Variants in VSTM2B observed in about 807,000 individuals in gnomAD.
VSTM2B encodes V-set and transmembrane domain containing 2B.
In VSTM2B, 24 loss-of-function variants were observed where a neutral mutation model predicts 24.0. That is an observed-to-expected ratio of 1.00 (90% confidence interval 0.72 to 1.40). The LOEUF is 1.40. Among genes scored for constraint, VSTM2B ranks in the 40% most tolerant of loss-of-function variants. VSTM2B has a pLI of 0.00. For synonymous variants in VSTM2B, 226 were observed against 194.4 expected (o/e 1.16, Z -1.35); for missense variants, 399 against 416.4 (o/e 0.96, Z 0.36).
chr19:29,556,370 TGATGGAACATACCTCAAAATAATGAAA>T (rs1970409544), intron 4 of VSTM2B, among the ~76,000 whole-genome samples: 1 of 152,220 alleles, frequency 6.6e-6, no homozygotes, highest in African/African-American at 2.4e-5. Context: ...AACTAGGTAT[TGATGGAACATACCTCAAAATAATGAAA>T]GCCGTTTATG....
rs150259236 is a variant in VSTM2B at position 29,553,868 on chromosome 19, TA to T, written c.770-9977del. On this transcript the variant is annotated intron_variant, in intron 4 of 4. Coordinates refer to ENST00000335523, the MANE Select transcript of VSTM2B (RefSeq NM_001146339.2). ...CTGAAATAAGACCAGCAGACAAGAT[TA>T]GAGAAAAAAGAATGAAAAGGAATGA... is the stretch of plus-strand genomic sequence containing the variant. 2.4e-3 allele frequency among the ~76,000 whole-genome samples: 366 copies of T among 151,968 alleles called. 12 individuals carry two copies. The East Asian group carries it at 0.059, about 25-fold the overall frequency.
At chr19:29,543,576 T>A (rs1296109253) in intron 4 of VSTM2B, among the ~76,000 whole-genome samples, 3 of 152,238 alleles carry the variant, frequency 2.0e-5, no homozygotes, top group Non-Finnish European at 4.4e-5. Context: ...TGCCCTTGCA[T>A]GGCCAGGCCC....
chr19:29,527,740 C>T (rs1484643356), intron 2 of VSTM2B, among the ~76,000 whole-genome samples: 1 of 152,142 alleles, frequency 6.6e-6, no homozygotes, highest in Non-Finnish European at 1.5e-5. Flanking sequence ...TCCCATCAGG[C>T]TCTCCCCGCC....
At position 29,530,217 on chromosome 19, in the gene VSTM2B, G is replaced by C. The variant is rs756416884; in HGVS notation, c.696G>C (p.Ala232=). 1,762 of 1,503,060 alleles carry C rather than the reference G, an allele frequency of 1.2e-3. 1 individual carries two copies. The highest frequency in any genetic ancestry group is 1.9e-3 in the Admixed American group (93 of 47,696). 93.1% of individuals were successfully genotyped at this position (1,503,060 alleles called of 1,614,324 possible). A position where few individuals can be genotyped will look rare whatever the true frequency, so the allele number is the denominator to read the frequency against. The change falls in exon 4 of 5, where the codon GCG becomes GCC. Residue 232 remains alanine, a synonymous_variant. Transcript: ENST00000335523. ...SAAHTPTTTV[A]AAAAASSASP... is the part of the protein sequence containing the mutation. ...CCCACACGCCCACCACCACAGTCGC[G>C]GCAGCTGCTGCTGCCTCGTCAGCGT... is the stretch of plus-strand genomic sequence containing the variant.
At chr19:29,528,609 C>T in intron 3 of VSTM2B, 147 bp downstream of exon 3, 1 of 1,028,550 alleles carries the variant, frequency 9.7e-7, no homozygotes, top group Non-Finnish European at 1.4e-6. Flanking sequence ...GGTGGCTGCT[C>T]GGCGTGTCCG....
intron 4 of VSTM2B, among the ~76,000 whole-genome samples, chr19:29,561,623 C>G (rs966881344): frequency 3.3e-5 from 5 of 152,136 alleles, no homozygotes; most frequent in African/African-American, 4.8e-5. Context: ...GCAACTCCAT[C>G]TCGATTAATT....
At position 29,526,932 on chromosome 19, in the gene VSTM2B, A is replaced by G. The variant is rs2145453212; in HGVS notation, c.82+267A>G. On this transcript the variant is annotated intron_variant, in intron 1 of 4. Transcript: ENST00000335523. This position sits in a 1 kb window ranked among gnomAD's most constrained non-coding sequence, Gnocchi z 4.1. The stretch of plus-strand genomic sequence containing the variant: ...GAGCGGGAGTAGGCGCGCCCCAGCC[A>G]GGCTCTGGCGGTGCGGCCAGGGGCG... 1.1e-5 allele frequency: 4 copies of G among 378,932 alleles called. No homozygotes were observed. The highest frequency in any genetic ancestry group is 1.9e-5 in the Non-Finnish European group (4 of 214,580). 23.5% of individuals were successfully genotyped at this position (378,932 alleles called of 1,614,324 possible). A position where few individuals can be genotyped will look rare whatever the true frequency, so the allele number is the denominator to read the frequency against.
intron 4 of VSTM2B, among the ~76,000 whole-genome samples, chr19:29,546,798 G>A (rs1219602890): frequency 6.6e-6 from 1 of 152,226 alleles, no homozygotes; most frequent in East Asian, 1.9e-4. Context: ...AGGGCCATTG[G>A]GGGCAAGATG....
chr19:29,546,278 A>T (rs969386410), intron 4 of VSTM2B, among the ~76,000 whole-genome samples: 1 of 152,130 alleles, frequency 6.6e-6, no homozygotes, highest in African/African-American at 2.4e-5. Context: ...AGCTCAAGAC[A>T]CTCAAAGGAG....
chr19:29,552,749 G>T (rs1332410590), intron 4 of VSTM2B, among the ~76,000 whole-genome samples: 2 of 152,226 alleles, frequency 1.3e-5, no homozygotes. Flanking sequence ...CATCACTGCA[G>T]TTCCAGTCTG....
intron 4 of VSTM2B, among the ~76,000 whole-genome samples, chr19:29,555,269 G>A (rs1407626747): frequency 3.9e-5 from 6 of 152,010 alleles, no homozygotes; most frequent in Admixed American, 6.6e-5. Context: ...AAAACCACAC[G>A]ACCATATGAA....
chr19:29,554,774 T>C (rs532160412), intron 4 of VSTM2B, among the ~76,000 whole-genome samples: 15 of 152,154 alleles, frequency 9.9e-5, no homozygotes, highest in Non-Finnish European at 1.3e-4. Flanking sequence ...AATTCTAGTT[T>C]CTGACAAAAC....
intron 4 of VSTM2B, among the ~76,000 whole-genome samples, chr19:29,538,493 G>A (rs559282340): frequency 3.9e-4 from 59 of 152,264 alleles, no homozygotes; most frequent in Non-Finnish European, 7.4e-4. Flanking sequence ...TCATGAGACC[G>A]CCCTCCCTCC....
rs570985344 is a variant in VSTM2B, at chr19:29,544,269, G to A, written c.769+13979G>A. Among the ~76,000 whole-genome samples, 17 of 151,992 alleles carry A rather than the reference G, an allele frequency of 1.1e-4. No homozygotes were observed. The South Asian group carries it at 3.5e-3, about 32-fold the overall frequency. On this transcript the variant is annotated intron_variant, in intron 4 of 4. Coordinates refer to ENST00000335523, the MANE Select transcript of VSTM2B (RefSeq NM_001146339.2). ...CGGCCGGGCGCGGTGGCTCACGCCT[G>A]TAATCCCAGCATTTTGGGAGGCCGA...
intron 4 of VSTM2B, among the ~76,000 whole-genome samples, chr19:29,531,745 C>T (rs2145468041): frequency 6.6e-6 from 1 of 152,368 alleles, no homozygotes; most frequent in East Asian, 1.9e-4. Flanking sequence ...ACTTTCCACC[C>T]TCTGCACTAA....
At chr19:29,533,324 C>A (rs931162188) in intron 4 of VSTM2B, among the ~76,000 whole-genome samples, 1 of 152,184 alleles carries the variant, frequency 6.6e-6, no homozygotes, top group African/African-American at 2.4e-5. Context: ...TGGATCCCAG[C>A]GGGGCTGACA....
Position 29,548,987 on chromosome 19 carries a change from A to C in VSTM2B, c.770-14859A>C, listed in dbSNP as rs371482920. Among the ~76,000 whole-genome samples, 16 of 152,314 alleles carry C rather than the reference A, an allele frequency of 1.1e-4. No homozygotes were observed. The South Asian group carries it at 3.3e-3, about 32-fold the overall frequency. ...TGGCTAGCAGGGAGGGATGAGGGGA[A>C]GGATTTCTGCTGGGAAGAGCAGCCG... On this transcript the variant is annotated intron_variant, in intron 4 of 4. Coordinates refer to ENST00000335523, the MANE Select transcript of VSTM2B (RefSeq NM_001146339.2).
chr19:29,546,190 G>A (rs1472429229), intron 4 of VSTM2B, among the ~76,000 whole-genome samples: 1 of 152,180 alleles, frequency 6.6e-6, no homozygotes, highest in Non-Finnish European at 1.5e-5. Flanking sequence ...CTAGCAAAGG[G>A]AACAGACTGA....
chr19:29,537,869 G>T (rs1236841995), intron 4 of VSTM2B, among the ~76,000 whole-genome samples: 2 of 151,864 alleles, frequency 1.3e-5, no homozygotes, highest in African/African-American at 4.8e-5. Context: ...ATGCCCGCTA[G>T]AGACCGAGGC....
Sources: allele counts gnomAD v4.1 joint callset (sites outside exome capture counted in the v4.1 genomes callset), GRCh38; gene constraint gnomAD v4.1.1; non-coding constraint Gnocchi (gnomAD v3.1); transcripts MANE v1.5; gene names NCBI Gene and HGNC (gene_info 2026-07-23, HGNC 2026-07-21).